Variants in KCND2 observed in about 807,000 individuals in gnomAD.
KCND2 encodes potassium voltage-gated channel subfamily D member 2.
Under a neutral mutation model 54.4 loss-of-function variants are expected in KCND2, and 16 were observed. The ratio of observed to expected loss-of-function variants is 0.29; its 90% CI spans 0.20 to 0.45. The LOEUF is 0.45. Ranked by LOEUF, KCND2 falls within the 20% of genes least tolerant of loss-of-function variation. The probability of loss-of-function intolerance (pLI) is 1.00; values close to 1 mark genes in which losing one functional copy is unlikely to be tolerated. For missense variants in KCND2, 486 were observed against 824.2 expected, an observed-to-expected ratio of 0.59 and a Z score of 5.02; for synonymous variants, 317 against 310.7, an observed-to-expected ratio of 1.02 and a Z score of -0.21.
intron 2 of KCND2, among the ~76,000 whole-genome samples, chr7:120,739,741 G>A (rs1037097207): frequency 1.3e-5 from 2 of 151,722 alleles, no homozygotes; most frequent in African/African-American, 2.4e-5. Context: ...TGATATGTGT[G>A]AAAGGCATCT....
intron 1 of KCND2, among the ~76,000 whole-genome samples, chr7:120,495,626 T>C (rs1802837640): frequency 6.6e-6 from 1 of 152,210 alleles, no homozygotes; most frequent in Admixed American, 6.5e-5. Flanking sequence ...CATTGGTAGA[T>C]TATCTTTTTC....
At chr7:120,715,401 A>G (rs1751651384) in intron 1 of KCND2, among the ~76,000 whole-genome samples, 1 of 152,042 alleles carries the variant, frequency 6.6e-6, no homozygotes, top group South Asian at 2.1e-4. Flanking sequence ...TATTTACTTC[A>G]TGTTAATAAC....
At chr7:120,723,790 A>G (rs989640845) in intron 1 of KCND2, among the ~76,000 whole-genome samples, 1 of 152,192 alleles carries the variant, frequency 6.6e-6, no homozygotes, top group African/African-American at 2.4e-5. Context: ...ATGTTTGTTA[A>G]GTATGTGACC....
intron 1 of KCND2, among the ~76,000 whole-genome samples, chr7:120,570,984 T>C (rs1792358665): frequency 6.6e-6 from 1 of 152,190 alleles, no homozygotes; most frequent in Admixed American, 6.5e-5. Flanking sequence ...CAACTTTGTC[T>C]ATATGAGGAG....
At chr7:120,671,812 C>T (rs559087270) in intron 1 of KCND2, among the ~76,000 whole-genome samples, 2 of 152,090 alleles carry the variant, frequency 1.3e-5, no homozygotes, top group African/African-American at 2.4e-5. Flanking sequence ...CTCAAACCTG[C>T]GTCATTCTAC....
chr7:120,287,319 G>T (rs1461268943), intron 1 of KCND2, among the ~76,000 whole-genome samples: 1 of 152,048 alleles, frequency 6.6e-6, no homozygotes, highest in Non-Finnish European at 1.5e-5. Context: ...AGTAAATCTA[G>T]AGTGATGTTT....
intron 1 of KCND2, among the ~76,000 whole-genome samples, chr7:120,366,852 T>C (rs748026232): frequency 6.6e-6 from 1 of 152,166 alleles, no homozygotes; most frequent in Non-Finnish European, 1.5e-5. Flanking sequence ...CCAACTTTTG[T>C]GTCACTTTTC....
intron 1 of KCND2, among the ~76,000 whole-genome samples, chr7:120,365,586 G>A (rs1036414907): frequency 6.6e-6 from 1 of 152,098 alleles, no homozygotes; most frequent in African/African-American, 2.4e-5. Flanking sequence ...AAGCCTGCGT[G>A]CCCCTGATTA....
chr7:120,328,748 T>A (rs902573684), intron 1 of KCND2, among the ~76,000 whole-genome samples: 6 of 152,320 alleles, frequency 3.9e-5, no homozygotes, highest in African/African-American at 1.4e-4. Context: ...AATCATTTTC[T>A]GAGCTCATGT....
chr7:120,351,028 TAATC>T (rs1189347690), intron 1 of KCND2, among the ~76,000 whole-genome samples: 5 of 151,932 alleles, frequency 3.3e-5, no homozygotes, highest in African/African-American at 7.2e-5. Context: ...GAGAATTACT[TAATC>T]AAGTGGGTTT....
intron 1 of KCND2, among the ~76,000 whole-genome samples, chr7:120,445,387 A>G (rs902849111): frequency 1.3e-5 from 2 of 152,180 alleles, no homozygotes; most frequent in African/African-American, 4.8e-5. Flanking sequence ...ATTAATTTTC[A>G]TAAGTCAAAT....
chr7:120,598,317 T>C (rs1483334536), intron 1 of KCND2, among the ~76,000 whole-genome samples: 3 of 152,156 alleles, frequency 2.0e-5, no homozygotes, highest in Non-Finnish European at 4.4e-5. Context: ...TACTGCTCAA[T>C]GTTTAATGCA....
chr7:120,600,477 G>A (rs1286682642), intron 1 of KCND2, among the ~76,000 whole-genome samples: 1 of 151,946 alleles, frequency 6.6e-6, no homozygotes, highest in Non-Finnish European at 1.5e-5. Context: ...TGTGGACAGA[G>A]TATTAGATAT....
chr7:120,389,559 C>A (rs1801042678), intron 1 of KCND2, among the ~76,000 whole-genome samples: 1 of 151,808 alleles, frequency 6.6e-6, no homozygotes, highest in Non-Finnish European at 1.5e-5. Context: ...CTAGTAACTA[C>A]CCACCTTTCT....
chr7:120,681,004 C>A (rs1337883496), intron 1 of KCND2, among the ~76,000 whole-genome samples: 1 of 152,014 alleles, frequency 6.6e-6, no homozygotes, highest in Non-Finnish European at 1.5e-5. Context: ...TCAATAATAT[C>A]ATTCTTTAAG....
At chr7:120,629,438 A>G (rs1793202746) in intron 1 of KCND2, among the ~76,000 whole-genome samples, 1 of 151,978 alleles carries the variant, frequency 6.6e-6, no homozygotes, top group Non-Finnish European at 1.5e-5. Flanking sequence ...GTGAGCCGAG[A>G]TGGTGCCACT....
At chr7:120,322,943 A>G (rs1799912785) in intron 1 of KCND2, among the ~76,000 whole-genome samples, 2 of 152,182 alleles carry the variant, frequency 1.3e-5, no homozygotes, top group African/African-American at 2.4e-5. Flanking sequence ...TCTGATTTAT[A>G]GTATAAAATA....
intron 2 of KCND2, among the ~76,000 whole-genome samples, chr7:120,738,642 T>C (rs1394872419): frequency 6.6e-6 from 1 of 152,062 alleles, no homozygotes; most frequent in Non-Finnish European, 1.5e-5. Flanking sequence ...TATTATTTGC[T>C]GGTACTTTGC....
At chr7:120,712,383 C>T (rs1211139936) in intron 1 of KCND2, among the ~76,000 whole-genome samples, 3 of 148,524 alleles carry the variant, frequency 2.0e-5, no homozygotes, top group Non-Finnish European at 4.4e-5. Context: ...CCTGCCTCAG[C>T]TTCCCAAGTA....
Sources: gnomAD v4.1 joint callset for allele counts (sites outside exome capture counted in the v4.1 genomes callset) on GRCh38, gnomAD v4.1.1 for gene constraint, MANE v1.5 for transcripts, NCBI Gene and HGNC (gene_info 2026-07-23, HGNC 2026-07-21) for gene names.